Variants in TAFA1 observed in about 807,000 individuals in gnomAD.
TAFA1 encodes the protein TAFA chemokine like family member 1.
Under a neutral mutation model 18.5 loss-of-function variants are expected in TAFA1, and 4 were observed. The observed-to-expected ratio is 0.22, with a 90% CI of 0.11 to 0.49. The LOEUF (loss-of-function observed/expected upper bound fraction) is 0.49. Ranked by LOEUF, TAFA1 falls within the 20% of genes least tolerant of loss-of-function variation. The pLI, the probability that TAFA1 is intolerant of heterozygous loss-of-function variation, is 0.98. For missense variants in TAFA1, 147 were observed against 169.0 expected (o/e 0.87, Z 0.72); for synonymous variants, 56 against 55.2 (o/e 1.01, Z -0.06).
At chr3:68,077,985 T>C (rs922124660) in intron 2 of TAFA1, among the ~76,000 whole-genome samples, 20 of 152,300 alleles carry the variant, frequency 1.3e-4, no homozygotes, top group African/African-American at 4.6e-4. Flanking sequence ...TTTTATTTCA[T>C]TGAGCAGTGG....
chr3:68,524,814 G>A (rs188316406), intron 3 of TAFA1, among the ~76,000 whole-genome samples: 1 of 151,998 alleles, frequency 6.6e-6, no homozygotes, highest in Non-Finnish European at 1.5e-5. Flanking sequence ...GGGACTACAG[G>A]CGCCCGCCAC....
chr3:68,012,549 A>T (rs944249753), intron 2 of TAFA1, among the ~76,000 whole-genome samples: 14 of 152,210 alleles, frequency 9.2e-5, no homozygotes, highest in African/African-American at 2.7e-4. Context: ...CATACATAAA[A>T]ATGTCAAAAA....
chr3:68,113,887 A>G (rs2065291883), intron 2 of TAFA1, among the ~76,000 whole-genome samples: 1 of 68,864 alleles, frequency 1.5e-5, no homozygotes, highest in African/African-American at 6.1e-5. Context: ...TTTGGGGTGT[A>G]GTTTTTTTTG....
intron 2 of TAFA1, among the ~76,000 whole-genome samples, chr3:68,190,930 C>G (rs537179993): frequency 4.6e-5 from 7 of 151,756 alleles, no homozygotes; most frequent in Middle Eastern, 3.4e-3. Flanking sequence ...TAACAAATAC[C>G]TCTCACCCCA....
At chr3:68,317,275 G>A (rs1438543644) in intron 2 of TAFA1, among the ~76,000 whole-genome samples, 1 of 152,094 alleles carries the variant, frequency 6.6e-6, no homozygotes, top group Non-Finnish European at 1.5e-5. Context: ...ATCAACTGTT[G>A]GTAGTATGCT....
chr3:68,036,573 T>A (rs891427718), intron 2 of TAFA1, among the ~76,000 whole-genome samples: 3 of 152,118 alleles, frequency 2.0e-5, no homozygotes, highest in African/African-American at 7.2e-5. Flanking sequence ...GCCTGTCACC[T>A]CTCTTTCAAG....
chr3:68,379,921 C>A (rs1175094429), intron 2 of TAFA1, among the ~76,000 whole-genome samples: 2 of 151,916 alleles, frequency 1.3e-5, no homozygotes, highest in African/African-American at 4.8e-5. Context: ...TCCCCTTCCC[C>A]CCACCCCACA....
At chr3:68,217,044 C>A (rs996398189) in intron 2 of TAFA1, among the ~76,000 whole-genome samples, 1 of 151,976 alleles carries the variant, frequency 6.6e-6, no homozygotes, top group Non-Finnish European at 1.5e-5. Context: ...ATGAATTCTG[C>A]ATTGTGACTT....
chr3:68,486,720 A>T (rs1184998085), intron 3 of TAFA1, among the ~76,000 whole-genome samples: 2 of 152,218 alleles, frequency 1.3e-5, no homozygotes, highest in African/African-American at 4.8e-5. Context: ...GATGGTGTCA[A>T]TGCAGCATTA....
intron 2 of TAFA1, among the ~76,000 whole-genome samples, chr3:68,255,689 G>C (rs2067284672): frequency 6.6e-6 from 1 of 151,918 alleles, no homozygotes. Context: ...TTGTTTGCCT[G>C]TTTGTTTTAT....
intron 2 of TAFA1, among the ~76,000 whole-genome samples, chr3:68,060,743 G>T (rs2064592333): frequency 6.6e-6 from 1 of 152,132 alleles, no homozygotes; most frequent in Admixed American, 6.5e-5. Flanking sequence ...TTAGAGAAAA[G>T]ATAAAAGAGT....
intron 3 of TAFA1, among the ~76,000 whole-genome samples, chr3:68,519,755 G>T (rs948490464): frequency 1.3e-5 from 2 of 152,124 alleles, no homozygotes; most frequent in Non-Finnish European, 2.9e-5. Flanking sequence ...GTTTCTGGGG[G>T]ACCCTTTTAT....
rs761258665 is a variant in TAFA1, at chr3:68,167,443, G to A, written c.118+160699G>A. ...AATACAAAAAATTGCCGGGCGTGGC[G>A]GCGTGCGCCTGTAGTCCCAGCTACT... On this transcript the variant is annotated intron_variant, in intron 2 of 4. Coordinates refer to ENST00000478136, the MANE Select transcript of TAFA1 (RefSeq NM_213609.4). Among the ~76,000 whole-genome samples the A allele has an allele frequency of 2.5e-4, 38 of 152,046 alleles. 1 individual carries two copies. The highest frequency in any genetic ancestry group is 3.9e-4 in the East Asian group (2 of 5,168).
intron 2 of TAFA1, among the ~76,000 whole-genome samples, chr3:68,288,643 A>G (rs944154812): frequency 1.3e-5 from 2 of 152,166 alleles, no homozygotes; most frequent in Non-Finnish European, 2.9e-5. Context: ...TCCAAATTAA[A>G]TATCATACTT....
intron 2 of TAFA1, among the ~76,000 whole-genome samples, chr3:68,183,883 T>G (rs939317548): frequency 6.6e-6 from 1 of 152,138 alleles, no homozygotes; most frequent in East Asian, 1.9e-4. Context: ...TGCACAGATG[T>G]GTACTATATA....
intron 2 of TAFA1, among the ~76,000 whole-genome samples, chr3:68,202,438 T>C (rs555454495): frequency 2.0e-5 from 3 of 151,924 alleles, no homozygotes; most frequent in Admixed American, 2.0e-4. Flanking sequence ...TTCCTATTTT[T>C]GTCTGTGACT....
upstream of TAFA1, among the ~76,000 whole-genome samples, chr3:68,001,153 T>C (rs140173539): frequency 2.3e-3 from 345 of 152,284 alleles, 1 homozygote; most frequent in African/African-American, 7.9e-3. Context: ...GAGGTGAAGC[T>C]GGTGGGATTT....
intron 2 of TAFA1, among the ~76,000 whole-genome samples, chr3:68,144,127 A>T (rs1432302986): frequency 6.6e-6 from 1 of 152,194 alleles, no homozygotes; most frequent in Non-Finnish European, 1.5e-5. Context: ...CCTAGGTACC[A>T]GGACCGACCA....
Position 68,310,046 on chromosome 3 carries a change from C to T in TAFA1, c.119-107234C>T, listed in dbSNP as rs571553202. On this transcript the variant is annotated intron_variant, in intron 2 of 4. Coordinates refer to ENST00000478136, the MANE Select transcript of TAFA1 (RefSeq NM_213609.4). ...ATTAATTTATCAATAATTATTGAAA[C>T]TTATATAAGCTACTCTACAAAATTA... 7.4e-4 allele frequency among the ~76,000 whole-genome samples: 113 copies of T among 152,160 alleles called. No individual in the cohort carries two copies. In the South Asian group the frequency reaches 0.013, roughly 17 times the overall value.
Sources: allele counts gnomAD v4.1 joint callset (sites outside exome capture counted in the v4.1 genomes callset), GRCh38; gene constraint gnomAD v4.1.1; transcripts MANE v1.5; gene names NCBI Gene and HGNC (gene_info 2026-07-23, HGNC 2026-07-21).